COL18A1: variants seen among roughly 807,000 people sequenced by gnomAD.
COL18A1 encodes the protein collagen alpha-1(XVIII) chain.
In COL18A1, 133 loss-of-function variants were observed where a neutral mutation model predicts 168.0. The observed-to-expected ratio is 0.79, with a 90% CI of 0.69 to 0.91. COL18A1 has a LOEUF of 0.91. COL18A1 is among the 40% of genes least tolerant of loss of function. COL18A1 has a pLI of 0.00. For synonymous variants in COL18A1, 949 were observed against 809.0 expected (o/e 1.17, Z -2.94); for missense variants, 2,126 against 1,925.4 (o/e 1.10, Z -1.95).
At chr21:45,432,073 C>T (rs928168946) in intron 2 of COL18A1, among the ~76,000 whole-genome samples, 57 of 152,230 alleles carry the variant, frequency 3.7e-4, no homozygotes, top group African/African-American at 1.3e-3. Context: ...GTGCCCACCT[C>T]GGTCCCCACT....
intron 2 of COL18A1, chr21:45,456,587 TG>T: frequency 6.5e-7 from 1 of 1,542,866 alleles, no homozygotes; most frequent in Non-Finnish European, 8.7e-7. Context: ...CTCACGCTTC[TG>T]GCTGCCCAAC....
intron 33 of COL18A1, 165 bp from the exon 34 acceptor site, chr21:45,504,251 A>G (rs1461286226): frequency 9.2e-6 from 8 of 871,622 alleles, no homozygotes; most frequent in Non-Finnish European, 1.3e-5. Context: ...GACTCGGCTG[A>G]TGCAGTGGGA....
At chr21:45,458,683 G>C (rs950993673) in intron 2 of COL18A1, among the ~76,000 whole-genome samples, 3 of 152,196 alleles carry the variant, frequency 2.0e-5, no homozygotes, top group Non-Finnish European at 4.4e-5. Flanking sequence ...GCCCCGGGAG[G>C]CTCCAGCACA....
chr21:45,501,689 C>T (rs112896253), intron 32 of COL18A1, among the ~76,000 whole-genome samples: 3,919 of 126,782 alleles, frequency 0.031, 93 homozygotes, highest in African/African-American at 0.1. Context: ...AGAAGGACCC[C>T]CAGGGGCTCC....
In COL18A1 at chr21:45,487,028, G is replaced by A. The variant is rs372142127; in HGVS notation, c.1833+36G>A. On this transcript the variant is annotated intron_variant, in intron 16 of 41. Transcript: ENST00000651438. ...CCTACACCTGACCCCCTGGAGAGCC[G>A]GGGGCTGCCGTTGCCCCAGCCCTAC... The A allele has an allele frequency of 1.1e-4, 162 of 1,479,876 alleles. No homozygotes were observed. The African/African-American group carries it at 1.9e-3, about 18-fold the overall frequency. 91.7% of individuals were successfully genotyped at this position (1,479,876 alleles called of 1,614,324 possible).
Position 45,498,498 on chromosome 21 carries a change from T to C in COL18A1, c.2683+837T>C, listed in dbSNP as rs1036669190. ...GCTCGCCGCCAGGGTCCCCTCTCGCTGCCAGGGTCCTCTGCAGAGGAGGCC... is the reference window on the plus strand; with the variant it reads ...GCTCGCCGCCAGGGTCCCCTCTCGCCGCCAGGGTCCTCTGCAGAGGAGGCC... On this transcript the variant is annotated intron_variant, in intron 32 of 41. Coordinates refer to ENST00000651438, the MANE Select transcript of COL18A1 (RefSeq NM_001379500.1). This position sits in a 1 kb window ranked among gnomAD's most constrained non-coding sequence, Gnocchi z 4.5. The C allele has an allele frequency of 5.6e-5, 40 of 713,848 alleles. No individual in the cohort carries two copies. Among genetic ancestry groups the C allele is most frequent in the Non-Finnish European group, 9.6e-5 (37 of 384,364 alleles). 44.2% of individuals were successfully genotyped at this position (713,848 alleles called of 1,614,324 possible). A position where few individuals can be genotyped will look rare whatever the true frequency, so the allele number is the denominator to read the frequency against.
intron 39 of COL18A1, 81 bp from the exon 40 acceptor site, chr21:45,509,983 C>A: frequency 1.4e-6 from 2 of 1,467,310 alleles, no homozygotes; most frequent in Non-Finnish European, 1.8e-6. Context: ...CACACAGGTG[C>A]GGGGCCGGGG....
chr21:45,503,072 T>G (rs1240926631), intron 32 of COL18A1: 1 of 152,172 alleles, frequency 6.6e-6, no homozygotes, highest in East Asian at 1.9e-4. Flanking sequence ...TTATAGTCCT[T>G]TGTGTATATA....
rs567670628 is a variant in COL18A1, at chr21:45,473,695, C to T, written c.652-200C>T. 2.1e-4 allele frequency among the ~76,000 whole-genome samples: 32 copies of T among 152,292 alleles called. No homozygotes were observed. Among genetic ancestry groups the T allele is most frequent in the Non-Finnish European group, 3.5e-4 (24 of 68,010 alleles). On this transcript the variant is annotated intron_variant, in intron 3 of 41. Transcript: ENST00000651438. The surrounding 1 kb of genome is among the most constrained non-coding windows in gnomAD (Gnocchi z 4.0). ...CAGCCGGGTGCTTTCCACATGAAAG[C>T]GCCCAGGACGCCCCTGGGTCTCACC...
At chr21:45,505,526 C>A in intron 36 of COL18A1, 95 bp downstream of exon 36, 1 of 752,962 alleles carries the variant, frequency 1.3e-6, no homozygotes, top group Non-Finnish European at 2.3e-6. Flanking sequence ...ACGGACCCCA[C>A]AGGGAGATAT....
intron 29 of COL18A1, 197 bp downstream of exon 29, chr21:45,495,629 C>A (rs1401093137): frequency 3.3e-6 from 2 of 598,032 alleles, no homozygotes; most frequent in Non-Finnish European, 6.2e-6. Flanking sequence ...CCCAAACATG[C>A]ATGCACATAT....
intron 2 of COL18A1, among the ~76,000 whole-genome samples, chr21:45,435,497 C>T (rs953366795): frequency 2.6e-5 from 4 of 152,016 alleles, no homozygotes; most frequent in Non-Finnish European, 4.4e-5. Context: ...ATGGGCAGCC[C>T]GTTCTTAGTG....
At chr21:45,433,222 A>G (rs1429232198) in intron 2 of COL18A1, among the ~76,000 whole-genome samples, 1 of 152,242 alleles carries the variant, frequency 6.6e-6, no homozygotes, top group Non-Finnish European at 1.5e-5. Context: ...ATGTGGACAG[A>G]AAGTTTGGAT....
intron 2 of COL18A1, among the ~76,000 whole-genome samples, chr21:45,431,007 C>T (rs1602365775): frequency 2.6e-5 from 4 of 152,378 alleles, no homozygotes. Context: ...TGCCTGTTGA[C>T]GGGCGGGCCG....
At chr21:45,476,757 G>A (rs1012466423) in intron 6 of COL18A1, among the ~76,000 whole-genome samples, 4 of 150,774 alleles carry the variant, frequency 2.7e-5, no homozygotes, top group African/African-American at 9.8e-5. Context: ...TGTGTGCAGT[G>A]TGTGGTGTGT....
At position 45,510,112 on chromosome 21, in the gene COL18A1, A is replaced by G. The variant is rs2037489821; in HGVS notation, c.3544A>G (p.Ile1182Val). ...CCCCCTGTCAGGCGGCATGCGGGGC[A>G]TCCGCGGGGCCGACTTCCAGTGCTT... Reference protein sequence around the residue: ...NSPLSGGMRGIRGADFQCFQQ... With the variant: ...NSPLSGGMRGVRGADFQCFQQ... The change falls in exon 40 of 42, where the codon ATC becomes GTC. Residue 1182 changes from isoleucine to valine, a missense_variant. By Grantham distance (29) the Ile-to-Val change is conservative. Transcript: ENST00000651438. The G allele has an allele frequency of 1.3e-6, 2 of 1,595,918 alleles. No individual in the cohort carries two copies. The highest frequency in any genetic ancestry group is 1.7e-6 in the Non-Finnish European group (2 of 1,173,004).
chr21:45,426,018 C>T (rs1018991005), intron 2 of COL18A1, among the ~76,000 whole-genome samples: 7 of 152,184 alleles, frequency 4.6e-5, no homozygotes, highest in Admixed American at 1.3e-4. Flanking sequence ...GCCCCCGCCC[C>T]GCCCCCTCCT....
intron 2 of COL18A1, among the ~76,000 whole-genome samples, chr21:45,446,696 C>T (rs1394079607): frequency 6.6e-6 from 1 of 151,960 alleles, no homozygotes; most frequent in Non-Finnish European, 1.5e-5. Context: ...AAAGACATTG[C>T]CAAAAAAAGA....
Position 45,509,470 on chromosome 21 carries a change from C to A in COL18A1, c.3364C>A (p.Leu1122Met). ...GCGGCCCTGGCGGGCAGATGACATC[C>A]TGGCCAGCCCCCCTCGCCTGCCCGA... is the stretch of plus-strand genomic sequence containing the variant. Reference protein sequence around the residue: ...TARPWRADDILASPPRLPEPQ... With the variant: ...TARPWRADDIMASPPRLPEPQ... Residue 1122 changes from leucine (L) to methionine (M), a missense_variant, in exon 39 of 42, where the codon CTG becomes ATG. By Grantham distance (15) the Leu-to-Met change is conservative. Coordinates refer to ENST00000651438, the MANE Select transcript of COL18A1 (RefSeq NM_001379500.1). 2 of 1,529,826 alleles carry A rather than the reference C, an allele frequency of 1.3e-6. No homozygotes were observed. Among genetic ancestry groups the A allele is most frequent in the Non-Finnish European group, 1.8e-6 (2 of 1,137,714 alleles). 94.8% of individuals were successfully genotyped at this position (1,529,826 alleles called of 1,614,324 possible).
Sources: allele counts gnomAD v4.1 joint callset (sites outside exome capture counted in the v4.1 genomes callset), GRCh38; gene constraint gnomAD v4.1.1; non-coding constraint Gnocchi (gnomAD v3.1); transcripts MANE v1.5; gene names NCBI Gene and HGNC (gene_info 2026-07-23, HGNC 2026-07-21).